COLGALT2: variants seen among roughly 807,000 people sequenced by gnomAD.
COLGALT2 encodes the protein procollagen galactosyltransferase 2.
Under a neutral mutation model 73.4 loss-of-function variants are expected in COLGALT2, and 49 were observed. The observed-to-expected ratio is 0.67, with a 90% CI of 0.53 to 0.85. COLGALT2 has a LOEUF of 0.85. COLGALT2 is among the 40% of genes least tolerant of loss of function. COLGALT2 has a pLI of 0.00. For missense variants in COLGALT2, 722 were observed against 790.2 expected (o/e 0.91, Z 1.03); for synonymous variants, 295 against 307.6 (o/e 0.96, Z 0.43).
intron 4 of COLGALT2, among the ~76,000 whole-genome samples, chr1:183,972,946 G>A (rs1183215066): frequency 2.0e-5 from 3 of 152,216 alleles, no homozygotes; most frequent in Middle Eastern, 3.4e-3. Flanking sequence ...TAATCCGCCC[G>A]CCTTGGCCTC....
At chr1:184,030,222 T>A (rs1278510212) in intron 1 of COLGALT2, among the ~76,000 whole-genome samples, 1 of 152,204 alleles carries the variant, frequency 6.6e-6, no homozygotes, top group Non-Finnish European at 1.5e-5. Flanking sequence ...TAACAACATA[T>A]CAATTAAATG....
intron 1 of COLGALT2, among the ~76,000 whole-genome samples, chr1:184,013,528 GAA>G (rs1648881037): frequency 6.6e-6 from 1 of 152,202 alleles, no homozygotes; most frequent in South Asian, 2.1e-4. Flanking sequence ...TGGCCCTGTG[GAA>G]GGCAGTTCAA....
intron 1 of COLGALT2, among the ~76,000 whole-genome samples, chr1:184,002,345 A>C (rs1671953952): frequency 6.6e-6 from 1 of 152,238 alleles, no homozygotes; most frequent in African/African-American, 2.4e-5. Context: ...GGCCATCTGC[A>C]TTCCCTTTCA....
At chr1:184,028,826 C>T (rs1408454503) in intron 1 of COLGALT2, among the ~76,000 whole-genome samples, 2 of 152,110 alleles carry the variant, frequency 1.3e-5, no homozygotes, top group Non-Finnish European at 2.9e-5. Context: ...TCAGAAAACA[C>T]TGGAGGGAAG....
At chr1:183,964,107 G>T in intron 5 of COLGALT2, 87 bp from the exon 6 acceptor site, 1 of 1,445,102 alleles carries the variant, frequency 6.9e-7, no homozygotes, top group Non-Finnish European at 9.5e-7. Context: ...AACTGTGTCT[G>T]ATGCTGAGTT....
chr1:183,943,089 G>A, intron 10 of COLGALT2, among the ~76,000 whole-genome samples: 1 of 152,220 alleles, frequency 6.6e-6, no homozygotes, highest in Non-Finnish European at 1.5e-5. Flanking sequence ...GTGATCTCAA[G>A]GGACTGTGCA....
intron 1 of COLGALT2, among the ~76,000 whole-genome samples, chr1:183,990,488 A>T (rs897496293): frequency 6.6e-6 from 1 of 152,202 alleles, no homozygotes; most frequent in Admixed American, 6.5e-5. Flanking sequence ...GGAAATACAG[A>T]TGTGTAAATA....
At position 183,936,311 on chromosome 1, in the gene COLGALT2, T is replaced by TA. The variant is rs996668793; in HGVS notation, c.*2449dup. ...CTCTGGATTGCTGAAGAGATGACTT[T>TA]AAAAAAAAAGTCACATCTGCGGCTC... On this transcript the variant is annotated 3_prime_UTR_variant, in exon 12 of 12. Transcript: ENST00000361927. 3.4e-5 allele frequency: 33 copies of TA among 979,292 alleles called. No individual in the cohort carries two copies. Among genetic ancestry groups the TA allele is most frequent in the Middle Eastern group, 5.2e-4 (1 of 1,930 alleles). 60.7% of individuals were successfully genotyped at this position (979,292 alleles called of 1,614,324 possible).
intron 1 of COLGALT2, among the ~76,000 whole-genome samples, chr1:184,008,123 G>A (rs369851179): frequency 2.6e-5 from 4 of 152,174 alleles, no homozygotes; most frequent in South Asian, 4.1e-4. Flanking sequence ...GCAAACAGAC[G>A]TCAACCTTCA....
At position 184,036,226 on chromosome 1, in the gene COLGALT2, C is replaced by A. The variant is rs554457649; in HGVS notation, c.263+869G>T. ...CTAACCTGGCCACCAACTAACTTCTCGCCCTCGGATCCTCGCGTTTATAAA... is the reference window on the plus strand; with the variant it reads ...CTAACCTGGCCACCAACTAACTTCTAGCCCTCGGATCCTCGCGTTTATAAA... On this transcript the variant is annotated intron_variant, in intron 1 of 11. Coordinates refer to ENST00000361927, the MANE Select transcript of COLGALT2 (RefSeq NM_015101.4). Among the ~76,000 whole-genome samples, 5 of 152,334 alleles carry A rather than the reference C, an allele frequency of 3.3e-5. No individual in the cohort carries two copies. The South Asian group carries it at 1.0e-3, about 32-fold the overall frequency.
chr1:183,960,605 T>C (rs895257060), intron 6 of COLGALT2, among the ~76,000 whole-genome samples: 3 of 152,254 alleles, frequency 2.0e-5, no homozygotes, highest in African/African-American at 7.2e-5. Flanking sequence ...AGAAGACGCA[T>C]ACATTACAGG....
rs1670007883 is a variant in COLGALT2 at position 183,938,123 on chromosome 1, AACT to A, written c.*635_*637del. 2.0e-6 allele frequency: 2 copies of A among 985,676 alleles called. No individual in the cohort carries two copies. The highest frequency in any genetic ancestry group is 3.5e-5 in the African/African-American group (2 of 57,230). 61.1% of individuals were successfully genotyped at this position (985,676 alleles called of 1,614,324 possible). A position where few individuals can be genotyped will look rare whatever the true frequency, so the allele number is the denominator to read the frequency against. On this transcript the variant is annotated 3_prime_UTR_variant, in exon 12 of 12. Transcript: ENST00000361927. ...CTGGTCACCTCTATATGAGAACTCC[AACT>A]GCCATGATGGTCACAGGCCAAGTCT...
At chr1:183,948,051 G>T (rs1442000247) in intron 8 of COLGALT2, among the ~76,000 whole-genome samples, 3 of 151,932 alleles carry the variant, frequency 2.0e-5, no homozygotes, top group Non-Finnish European at 2.9e-5. Flanking sequence ...AGAAGAAATA[G>T]AAAGTAAATA....
At chr1:183,935,537 T>C (rs1181458609), downstream of COLGALT2, among the ~76,000 whole-genome samples, 2 of 152,234 alleles carry the variant, frequency 1.3e-5, no homozygotes, top group Non-Finnish European at 2.9e-5. Context: ...GATGAACGGA[T>C]AGGCTGACCT....
chr1:183,961,903 T>C (rs1477939285), intron 6 of COLGALT2, among the ~76,000 whole-genome samples: 4 of 152,156 alleles, frequency 2.6e-5, no homozygotes, highest in Non-Finnish European at 5.9e-5. Flanking sequence ...TGAGGGCTGG[T>C]TCAAGAAATA....
At chr1:183,953,066 G>T (rs569575065) in intron 7 of COLGALT2, among the ~76,000 whole-genome samples, 1 of 152,180 alleles carries the variant, frequency 6.6e-6, no homozygotes, top group Non-Finnish European at 1.5e-5. Context: ...TCCAGTCTGG[G>T]AAGACTTTCA....
rs540122922 is a variant in COLGALT2 at position 184,026,627 on chromosome 1, G to C, written c.263+10468C>G. On this transcript the variant is annotated intron_variant, in intron 1 of 11. Transcript: ENST00000361927. Reference sequence around the variant, plus strand: ...ATAGCTAGTGAAGACACCAGGGTTAGGGACTTTGTAATATCATGTAATTAA... The same window carrying C: ...ATAGCTAGTGAAGACACCAGGGTTACGGACTTTGTAATATCATGTAATTAA... 1.4e-4 allele frequency among the ~76,000 whole-genome samples: 21 copies of C among 152,294 alleles called. No homozygotes were observed. The South Asian group carries it at 4.1e-3, about 30-fold the overall frequency.
chr1:183,960,141 C>A (rs1480934108), intron 6 of COLGALT2, among the ~76,000 whole-genome samples: 1 of 152,178 alleles, frequency 6.6e-6, no homozygotes, highest in Non-Finnish European at 1.5e-5. Context: ...ATTATCTCTT[C>A]TAACACCTTC....
chr1:183,984,483 T>G (rs542705015), intron 1 of COLGALT2, among the ~76,000 whole-genome samples: 9 of 152,214 alleles, frequency 5.9e-5, no homozygotes, highest in Admixed American at 2.0e-4. Context: ...TTGAAGGTCA[T>G]GTTGGGACAA....
Sources: allele counts gnomAD v4.1 joint callset (sites outside exome capture counted in the v4.1 genomes callset), GRCh38; gene constraint gnomAD v4.1.1; transcripts MANE v1.5; gene names NCBI Gene and HGNC (gene_info 2026-07-23, HGNC 2026-07-21).